Variants in ROBO2 observed in about 807,000 individuals in gnomAD.
The protein encoded by ROBO2 is roundabout homolog 2.
A neutral mutation model predicts 160.8 loss-of-function variants in ROBO2; 53 were observed. That is an observed-to-expected ratio of 0.33 (90% CI 0.26 to 0.41). The LOEUF is 0.41. ROBO2 is among the 10% of genes least tolerant of loss of function. The pLI is 1.00. For missense variants in ROBO2, 1,577 were observed against 1,722.4 expected (o/e 0.92, Z 1.49); for synonymous variants, 664 against 611.7 (o/e 1.09, Z -1.26).
At chr3:77,057,602 C>T (rs569563283) in intron 1 of ROBO2, among the ~76,000 whole-genome samples, 57 of 106,118 alleles carry the variant, frequency 5.4e-4, no homozygotes, top group Admixed American at 2.6e-3. Context: ...GATGTAGTCT[C>T]GCTCTGTTGC....
At chr3:77,001,916 A>G (rs1232695141) in intron 2 of ROBO2, among the ~76,000 whole-genome samples, 2 of 152,150 alleles carry the variant, frequency 1.3e-5, no homozygotes, top group South Asian at 2.1e-4. Context: ...TTTCCTCACT[A>G]TTCACTGATT....
chr3:76,729,272 C>G (rs1477472575), intron 2 of ROBO2, among the ~76,000 whole-genome samples: 1 of 151,014 alleles, frequency 6.6e-6, no homozygotes, highest in African/African-American at 2.4e-5. Context: ...AAACAATTAC[C>G]AAGGTTTTCT....
intron 2 of ROBO2, among the ~76,000 whole-genome samples, chr3:76,028,168 A>G (rs2066804198): frequency 1.3e-5 from 2 of 151,962 alleles, no homozygotes; most frequent in African/African-American, 4.8e-5. Flanking sequence ...AAGAAATCCA[A>G]ACATAAGCAC....
intron 4 of ROBO2, among the ~76,000 whole-genome samples, chr3:77,486,051 A>C (rs1258844136): frequency 6.6e-6 from 1 of 152,106 alleles, no homozygotes; most frequent in African/African-American, 2.4e-5. Flanking sequence ...CTGTTTCTGC[A>C]GTAGTTTGCT....
At chr3:77,528,207 T>C (rs948567172) in intron 6 of ROBO2, among the ~76,000 whole-genome samples, 19 of 151,694 alleles carry the variant, frequency 1.3e-4, no homozygotes, top group African/African-American at 4.6e-4. Context: ...TTTTGGTAAT[T>C]GTGTTACATG....
At chr3:77,392,407 G>T (rs2074828747) in intron 2 of ROBO2, among the ~76,000 whole-genome samples, 1 of 152,214 alleles carries the variant, frequency 6.6e-6, no homozygotes, top group Non-Finnish European at 1.5e-5. Context: ...ATCCAAACTA[G>T]TTGTGAGCTC....
At chr3:76,633,830 G>T (rs1578733117) in intron 2 of ROBO2, among the ~76,000 whole-genome samples, 1 of 152,198 alleles carries the variant, frequency 6.6e-6, no homozygotes, top group East Asian at 1.9e-4. Flanking sequence ...ATAAGTAGCA[G>T]AGCTGGGATT....
intron 2 of ROBO2, among the ~76,000 whole-genome samples, chr3:76,439,869 T>C (rs1440309562): frequency 6.6e-6 from 1 of 152,170 alleles, no homozygotes; most frequent in Non-Finnish European, 1.5e-5. Context: ...ACTCCCACGA[T>C]GGGTAGTTCA....
At chr3:76,654,545 GA>G in intron 2 of ROBO2, among the ~76,000 whole-genome samples, 1 of 152,146 alleles carries the variant, frequency 6.6e-6, no homozygotes, top group East Asian at 1.9e-4. Flanking sequence ...ACACCACACA[GA>G]TCATGGCTTC....
At chr3:77,572,430 AG>A (rs758172145) in intron 13 of ROBO2, among the ~76,000 whole-genome samples, 1 of 151,956 alleles carries the variant, frequency 6.6e-6, no homozygotes, top group Non-Finnish European at 1.5e-5. Context: ...ATCCAATGGT[AG>A]AAACATAAAC....
intron 3 of ROBO2, 65 bp from the exon 4 acceptor site, chr3:77,481,034 G>T (rs1240420688): frequency 1.5e-6 from 2 of 1,343,296 alleles, no homozygotes; most frequent in East Asian, 2.3e-5. Flanking sequence ...ATTTATTAAT[G>T]ACCTTTATTT....
intron 2 of ROBO2, among the ~76,000 whole-genome samples, chr3:76,660,853 A>T (rs1372751669): frequency 6.6e-6 from 1 of 152,178 alleles, no homozygotes; most frequent in Non-Finnish European, 1.5e-5. Context: ...TTATGGACTT[A>T]TTCACTTTAA....
intron 2 of ROBO2, among the ~76,000 whole-genome samples, chr3:76,845,386 A>G (rs1413126879): frequency 6.6e-6 from 1 of 152,046 alleles, no homozygotes; most frequent in Non-Finnish European, 1.5e-5. Flanking sequence ...GACAACCATC[A>G]TTAGTATAGT....
At chr3:77,272,408 G>A (rs767179916) in intron 2 of ROBO2, among the ~76,000 whole-genome samples, 6 of 151,998 alleles carry the variant, frequency 3.9e-5, no homozygotes, top group Non-Finnish European at 7.4e-5. Flanking sequence ...GCAGGAGGAA[G>A]AGAAGGGCGG....
intron 2 of ROBO2, among the ~76,000 whole-genome samples, chr3:76,179,461 A>G (rs912631482): frequency 1.3e-5 from 2 of 152,170 alleles, no homozygotes; most frequent in African/African-American, 4.8e-5. Flanking sequence ...CTAGTTTTCC[A>G]TCCTCCTTAC....
intron 2 of ROBO2, among the ~76,000 whole-genome samples, chr3:76,944,063 CACTT>C (rs775038944): frequency 1.3e-5 from 2 of 151,872 alleles, no homozygotes; most frequent in African/African-American, 2.4e-5. Flanking sequence ...TATGTTTAAA[CACTT>C]AGTCTTAAAG....
At chr3:76,680,621 A>G (rs1184703126) in intron 2 of ROBO2, among the ~76,000 whole-genome samples, 6 of 152,064 alleles carry the variant, frequency 3.9e-5, no homozygotes, top group Non-Finnish European at 8.8e-5. Flanking sequence ...AATAGTCTCA[A>G]TATTTTGTGT....
chr3:77,569,898 C>A (rs2093595173), intron 13 of ROBO2, among the ~76,000 whole-genome samples: 1 of 151,870 alleles, frequency 6.6e-6, no homozygotes, highest in South Asian at 2.1e-4. Flanking sequence ...TAGGATTACA[C>A]TTTCTTATTC....
chr3:76,593,283 G>T (rs2108848513), intron 2 of ROBO2, among the ~76,000 whole-genome samples: 1 of 152,100 alleles, frequency 6.6e-6, no homozygotes, highest in Non-Finnish European at 1.5e-5. Context: ...TAGAGTTGTT[G>T]CGTTTAATTA....
Sources: gnomAD v4.1 joint callset for allele counts (sites outside exome capture counted in the v4.1 genomes callset) on GRCh38, gnomAD v4.1.1 for gene constraint, MANE v1.5 for transcripts, NCBI Gene and HGNC (gene_info 2026-07-23, HGNC 2026-07-21) for gene names.